Variants in MDGA1 observed in about 807,000 individuals in gnomAD.
MDGA1 encodes MAM domain-containing glycosylphosphatidylinositol anchor protein 1.
MDGA1 carries 54 observed loss-of-function variants against 101.5 expected under a neutral mutation model. The observed-to-expected ratio is 0.53, with a 90% CI of 0.43 to 0.67. MDGA1 has a LOEUF of 0.67. MDGA1 is among the 30% of genes least tolerant of loss of function. The pLI is 0.00. For synonymous variants in MDGA1, 533 were observed against 558.3 expected (o/e 0.95, Z 0.64); for missense variants, 1,083 against 1,323.8 (o/e 0.82, Z 2.82).
At chr6:37,644,672 G>A (rs947012838) in intron 12 of MDGA1, 23 bp from the exon 13 acceptor site, 4 of 1,533,296 alleles carry the variant, frequency 2.6e-6, no homozygotes, top group Non-Finnish European at 3.5e-6. Context: ...GGGCGAATGA[G>A]ACAAAGAGTC....
rs922218443 is a variant in MDGA1 at position 37,635,670 on chromosome 6, C to T, written c.*1698G>A. On this transcript the variant is annotated 3_prime_UTR_variant, in exon 17 of 17. Coordinates refer to ENST00000434837, the MANE Select transcript of MDGA1 (RefSeq NM_153487.4). Reference sequence around the variant, plus strand: ...GCCCGAGTTCCAGGCCTCTTCTCTGCAGCTGTCCCCACCAAATGCTCCAGA... The same window carrying T: ...GCCCGAGTTCCAGGCCTCTTCTCTGTAGCTGTCCCCACCAAATGCTCCAGA... The T allele has an allele frequency of 2.5e-6, 1 of 398,730 alleles. No individual in the cohort carries two copies. Among genetic ancestry groups the T allele is most frequent in the Non-Finnish European group, 4.4e-6 (1 of 226,116 alleles). 24.7% of individuals were successfully genotyped at this position (398,730 alleles called of 1,614,324 possible).
At chr6:37,646,129 G>A in intron 11 of MDGA1, 69 bp downstream of exon 11, 7 of 1,551,912 alleles carry the variant, frequency 4.5e-6, no homozygotes, top group Non-Finnish European at 6.1e-6. Flanking sequence ...GGAACCACAT[G>A]AGGATGGTGA....
rs1382268413 is a variant in MDGA1, at chr6:37,655,428, G to A, written c.579+272C>T. ...CTGCCACCCAGCAGCAGACTGGGAT[G>A]ACCTGTCTGCCCCTAGGGGTGCCTT... On this transcript the variant is annotated intron_variant, in intron 4 of 16. Transcript: ENST00000434837. This position sits in a 1 kb window ranked among gnomAD's most constrained non-coding sequence, Gnocchi z 5.1. 3 of 399,436 alleles carry A rather than the reference G, an allele frequency of 7.5e-6. No individual in the cohort carries two copies. The highest frequency in any genetic ancestry group is 4.5e-6 in the Non-Finnish European group (1 of 223,190). 24.7% of individuals were successfully genotyped at this position (399,436 alleles called of 1,614,324 possible). A position where few individuals can be genotyped will look rare whatever the true frequency, so the allele number is the denominator to read the frequency against.
chr6:37,663,932 G>A, intron 2 of MDGA1, 35 bp downstream of exon 2: 1 of 1,612,050 alleles, frequency 6.2e-7, no homozygotes, highest in South Asian at 1.1e-5. Flanking sequence ...GGTGAGGGTA[G>A]GAGGGGCCTG....
At position 37,635,588 on chromosome 6, in the gene MDGA1, G is replaced by A. The variant is rs898391241; in HGVS notation, c.*1780C>T. ...GATAATGATCACACAGGCCTGGCAG[G>A]GGGAGATGGGCAGCCTTTGCCTCGG... On this transcript the variant is annotated 3_prime_UTR_variant, in exon 17 of 17. Transcript: ENST00000434837. The A allele has an allele frequency of 7.5e-6, 3 of 398,562 alleles. No homozygotes were observed. The highest frequency in any genetic ancestry group is 2.1e-5 in the African/African-American group (1 of 48,630). 24.7% of individuals were successfully genotyped at this position (398,562 alleles called of 1,614,324 possible).
intron 1 of MDGA1, among the ~76,000 whole-genome samples, chr6:37,674,972 A>T (rs1458109455): frequency 6.6e-6 from 1 of 152,154 alleles, no homozygotes; most frequent in Non-Finnish European, 1.5e-5. Context: ...CGGGAGAATC[A>T]CTTGAACCTG....
chr6:37,644,543 G>A lies in MDGA1; in HGVS notation c.2355C>T (p.Arg785=), dbSNP rs1473995912. Residue 785 remains arginine, a synonymous_variant, in exon 13 of 17, where the codon CGC becomes CGT. Coordinates refer to ENST00000434837, the MANE Select transcript of MDGA1 (RefSeq NM_153487.4). ...CGGTGGGGGGACCAGTGTTGGGGGA[G>A]CGTTTGGGGTTCTGGGTGAGGGCAT... is the stretch of plus-strand genomic sequence containing the variant. ...RQNALTQNPK[R]SPNTGPPTDI... 1.2e-6 allele frequency: 2 copies of A among 1,606,158 alleles called. No homozygotes were observed. The highest frequency in any genetic ancestry group is 1.3e-5 in the African/African-American group (1 of 74,548).
intron 1 of MDGA1, among the ~76,000 whole-genome samples, chr6:37,694,389 C>T (rs1762374854): frequency 6.6e-6 from 1 of 152,246 alleles, no homozygotes; most frequent in South Asian, 2.1e-4. Flanking sequence ...TCAACAAATA[C>T]CTGCCTAGCT....
rs1266664872 is a variant in MDGA1, at chr6:37,646,263, C to A, written c.2159G>T (p.Arg720Leu). ...DLRVPHSYEV[R>L]LTPYTTFGAG... ...CCCGAAGGTGGTATAGGGTGTGAGG[C>A]GGACCTCATAGCTGTGGGGCACACG... The change falls in exon 11 of 17, where the codon CGC becomes CTC. Residue 720 changes from arginine (R) to leucine (L), a missense_variant. By Grantham distance (102) the Arg-to-Leu change is moderately radical. Around this residue, in one of 3 missense-constraint regions of MDGA1, gnomAD observed 657 missense variants for 771.4 expected, o/e 0.85. Coordinates refer to ENST00000434837, the MANE Select transcript of MDGA1 (RefSeq NM_153487.4). 1 of 1,605,574 alleles carries A rather than the reference C, an allele frequency of 6.2e-7. No individual in the cohort carries two copies. The highest frequency in any genetic ancestry group is 8.5e-7 in the Non-Finnish European group (1 of 1,175,366).
chr6:37,641,023 G>C (rs972669221), intron 14 of MDGA1, among the ~76,000 whole-genome samples: 2 of 152,122 alleles, frequency 1.3e-5, no homozygotes, highest in African/African-American at 2.4e-5. Flanking sequence ...ACTTCAATGT[G>C]CTCCTCTGCC....
At chr6:37,643,696 C>A in intron 14 of MDGA1, 113 bp downstream of exon 14, 1 of 1,454,000 alleles carries the variant, frequency 6.9e-7, no homozygotes, top group Non-Finnish European at 9.4e-7. Flanking sequence ...CTCATTTAGC[C>A]AAGTGGGGAA....
intron 9 of MDGA1, 47 bp downstream of exon 9, chr6:37,648,935 G>T (rs1057283861): frequency 3.3e-6 from 5 of 1,532,954 alleles, no homozygotes; most frequent in Non-Finnish European, 4.4e-6. Flanking sequence ...GCAGAGCCTG[G>T]CCCCTGGTGG....
rs778228880 is a variant in MDGA1, at chr6:37,697,629, G to C, written c.-818C>G. On this transcript the variant is annotated 5_prime_UTR_variant, in exon 1 of 17. Transcript: ENST00000434837. ...CTCGCCCAGGCCGGGGCTGCGGCGC[G>C]GGCGCCGCTCGCCGCCTCCGCTCGC... The C allele has an allele frequency of 6.6e-6, 1 of 151,902 alleles. No homozygotes were observed. The highest frequency in any genetic ancestry group is 2.4e-5 in the African/African-American group (1 of 41,390). 9.4% of individuals were successfully genotyped at this position (151,902 alleles called of 1,614,324 possible). A position where few individuals can be genotyped will look rare whatever the true frequency, so the allele number is the denominator to read the frequency against.
intron 14 of MDGA1, among the ~76,000 whole-genome samples, chr6:37,640,039 A>G (rs1256067583): frequency 6.6e-6 from 1 of 152,188 alleles, no homozygotes; most frequent in Non-Finnish European, 1.5e-5. Flanking sequence ...AATCCCAGGG[A>G]CTGCCATACC....
At chr6:37,676,209 C>T (rs1273693327) in intron 1 of MDGA1, among the ~76,000 whole-genome samples, 1 of 152,236 alleles carries the variant, frequency 6.6e-6, no homozygotes, top group African/African-American at 2.4e-5. Flanking sequence ...GAGTCTGTGG[C>T]ACAGTCGCTA....
chr6:37,655,054 C>T lies in MDGA1; in HGVS notation c.580-122G>A, dbSNP rs1561847569. On this transcript the variant is annotated intron_variant, in intron 4 of 16. Coordinates refer to ENST00000434837, the MANE Select transcript of MDGA1 (RefSeq NM_153487.4). This position sits in a 1 kb window ranked among gnomAD's most constrained non-coding sequence, Gnocchi z 5.1. ...TGTCTAATTCCTCTCTTTCCATCCC[C>T]AACCCCACCCTCACCATTTAGCCCC... 1 of 1,224,656 alleles carries T rather than the reference C, an allele frequency of 8.2e-7. No individual in the cohort carries two copies. The highest frequency in any genetic ancestry group is 1.1e-6 in the Non-Finnish European group (1 of 888,962). The allele number at this position is 1,224,656 out of a possible 1,614,324, so 75.9% of individuals were successfully genotyped here.
intron 1 of MDGA1, among the ~76,000 whole-genome samples, chr6:37,673,246 C>T (rs1761907851): frequency 6.6e-6 from 1 of 152,172 alleles, no homozygotes; most frequent in African/African-American, 2.4e-5. Flanking sequence ...ACGGAGCCTC[C>T]ACATTCCTGG....
At chr6:37,649,961 A>T (rs1761316969) in intron 8 of MDGA1, 148 bp downstream of exon 8, 2 of 867,370 alleles carry the variant, frequency 2.3e-6, no homozygotes, top group East Asian at 5.2e-5. Flanking sequence ...GTCCTACAGC[A>T]TGGGGCTGTC....
intron 1 of MDGA1, among the ~76,000 whole-genome samples, chr6:37,679,226 G>A (rs1230714281): frequency 6.6e-6 from 1 of 152,072 alleles, no homozygotes; most frequent in Non-Finnish European, 1.5e-5. Flanking sequence ...TTGAAATCGA[G>A]TAGGTGGGGG....
Sources: allele counts gnomAD v4.1 joint callset (sites outside exome capture counted in the v4.1 genomes callset), GRCh38; gene constraint gnomAD v4.1.1; regional missense constraint gnomAD v4.1.1; non-coding constraint Gnocchi (gnomAD v3.1); transcripts MANE v1.5; gene names NCBI Gene and HGNC (gene_info 2026-07-23, HGNC 2026-07-21).